The following MFN2 variants were observed in gnomAD, a reference collection of about 807,000 sequenced individuals.
MFN2 encodes the protein mitofusin-2.
Under a neutral mutation model 87.5 loss-of-function variants are expected in MFN2, and 43 were observed. The observed-to-expected ratio is 0.49, with a 90% confidence interval of 0.38 to 0.63. MFN2 has a LOEUF of 0.63. Among genes scored for constraint, MFN2 ranks in the 30% least tolerant of loss-of-function variants. MFN2 has a pLI of 0.00. For synonymous variants in MFN2, 337 were observed against 359.9 expected (o/e 0.94, Z 0.72); for missense variants, 743 against 972.8 (o/e 0.76, Z 3.14).
Position 11,992,678 on chromosome 1 carries a change from CT to C in MFN2, c.306del (p.Phe102LeufsTer11), listed in dbSNP as rs777012596. 6.2e-7 allele frequency: 1 copy of C among 1,614,120 alleles called. No individual in the cohort carries two copies. Among genetic ancestry groups the C allele is most frequent in the Non-Finnish European group, 8.5e-7 (1 of 1,180,026 alleles). Reference protein sequence around the residue: ...EVLARRHMKVAFFGRTSNGKS... With the variant: ...EVLARRHMKVXFFGRTSNGKS... ...CTGGCTCGGAGGCACATGAAAGTGG[CT>C]TTTTTTGGCCGGTAAGTCCTTGAGG... On this transcript the variant is annotated frameshift_variant, in exon 4 of 19. Coordinates refer to ENST00000235329, the MANE Select transcript of MFN2 (RefSeq NM_014874.4). LOFTEE classifies it high-confidence loss of function.
rs116069423 is a variant in MFN2, at chr1:12,006,899, C to G, written c.1873-154C>G. Among the ~76,000 whole-genome samples, 4,385 of 152,294 alleles carry G rather than the reference C, an allele frequency of 0.029. 205 individuals are homozygous for G. The highest frequency in any genetic ancestry group is 0.099 in the African/African-American group (4,107 of 41,550). ...GACATGGTCCCAGACCTTCTGGCCT[C>G]GGTGGGATCAAAGGAGACATTGAAA... is the stretch of plus-strand genomic sequence containing the variant. On this transcript the variant is annotated intron_variant, in intron 16 of 18. Coordinates refer to ENST00000235329, the MANE Select transcript of MFN2 (RefSeq NM_014874.4).
Position 12,004,020 on chromosome 1 carries a change from C to T in MFN2, c.1189C>T (p.Arg397Trp), listed in dbSNP as rs758948968. The T allele has an allele frequency of 5.0e-6, 8 of 1,614,092 alleles. No individual in the cohort carries two copies. The highest frequency in any genetic ancestry group is 4.5e-5 in the East Asian group (2 of 44,900). The change falls in exon 12 of 19, where the codon CGG becomes TGG. Residue 397 changes from arginine (R) to tryptophan (W), a missense_variant. Coordinates refer to ENST00000235329, the MANE Select transcript of MFN2 (RefSeq NM_014874.4). The surrounding 1 kb of genome is among the most constrained non-coding windows in gnomAD (Gnocchi z 4.2). Reference protein sequence around the residue: ...QVYCEEMREERQDRLKFIDKQ... With the variant: ...QVYCEEMREEWQDRLKFIDKQ... ...TTACTGCGAGGAAATGCGTGAAGAG[C>T]GGCAAGACCGACTGAAATTTATTGA...
intron 18 of MFN2, among the ~76,000 whole-genome samples, chr1:12,010,273 A>T (rs999490585): frequency 6.6e-6 from 1 of 152,250 alleles, no homozygotes. Flanking sequence ...GCATGATGGC[A>T]TCACAGTACT....
chr1:11,985,453 C>T (rs576211369), intron 2 of MFN2, among the ~76,000 whole-genome samples: 1 of 141,786 alleles, frequency 7.1e-6, no homozygotes, highest in Admixed American at 6.9e-5. Flanking sequence ...CATCCTTGAT[C>T]CCTTTTTTTT....
rs1553141644 is a variant in MFN2 at position 11,992,580 on chromosome 1, C to T, written c.201C>T (p.Asp67=). The T allele has an allele frequency of 1.1e-5, 17 of 1,614,222 alleles. No homozygotes were observed. The highest frequency in any genetic ancestry group is 1.3e-5 in the African/African-American group (1 of 75,050). ...LEDTYRNAEL[D]PVTTEEQVLD... ...ACACGTACAGGAATGCAGAACTGGA[C>T]CCCGTTACCACAGAAGAACAGGTTC... The change falls in exon 4 of 19, where the codon GAC becomes GAT. Residue 67 remains aspartate (D), a synonymous_variant. Coordinates refer to ENST00000235329, the MANE Select transcript of MFN2 (RefSeq NM_014874.4).
At chr1:12,006,471 A>G (rs1002674669) in intron 15 of MFN2, 67 bp from the exon 16 acceptor site, 72 of 1,599,064 alleles carry the variant, frequency 4.5e-5, no homozygotes, top group Non-Finnish European at 6.1e-5. Context: ...CTAGGGCAAC[A>G]CTGAGGGTTC....
chr1:12,009,226 A>AGGGAGC (rs994469824), intron 17 of MFN2, among the ~76,000 whole-genome samples: 1 of 151,136 alleles, frequency 6.6e-6, no homozygotes, highest in Non-Finnish European at 1.5e-5. Flanking sequence ...GGAGAGGGAG[A>AGGGAGC]GGGAGCGGGA....
intron 3 of MFN2, among the ~76,000 whole-genome samples, chr1:11,991,923 C>CAAAA (rs35314016): frequency 0.032 from 530 of 16,736 alleles, 114 homozygotes; most frequent in Middle Eastern, 0.12. Context: ...GACTCCGTCT[C>CAAAA]AAAAAAAAAA....
intron 6 of MFN2, among the ~76,000 whole-genome samples, chr1:11,997,688 A>G (rs983069512): frequency 9.2e-5 from 14 of 152,154 alleles, no homozygotes; most frequent in African/African-American, 3.1e-4. Flanking sequence ...GAGGTTCTCA[A>G]TCTCAGCCCA....
chr1:12,004,992 C>T lies in MFN2; in HGVS notation c.1495+65C>T. 1.6e-6 allele frequency: 2 copies of T among 1,286,754 alleles called. No individual in the cohort carries two copies. Among genetic ancestry groups the T allele is most frequent in the Non-Finnish European group, 2.2e-6 (2 of 903,282 alleles). 79.7% of individuals were successfully genotyped at this position (1,286,754 alleles called of 1,614,324 possible). A position where few individuals can be genotyped will look rare whatever the true frequency, so the allele number is the denominator to read the frequency against. ...CTGCCCAAAGATCAGATGCGGAGGC[C>T]AAGCTAAAGAAATCAGGACTTTCCT... On this transcript the variant is annotated intron_variant, in intron 14 of 18. Coordinates refer to ENST00000235329, the MANE Select transcript of MFN2 (RefSeq NM_014874.4). The surrounding 1 kb of genome is among the most constrained non-coding windows in gnomAD (Gnocchi z 4.2).
intron 2 of MFN2, among the ~76,000 whole-genome samples, chr1:11,983,093 G>A (rs1219824952): frequency 6.6e-6 from 1 of 151,994 alleles, no homozygotes; most frequent in Non-Finnish European, 1.5e-5. Flanking sequence ...GTCTTGCTCT[G>A]TCACCCAGGC....
intron 14 of MFN2, among the ~76,000 whole-genome samples, 168 bp from the exon 15 acceptor site, chr1:12,005,543 A>G (rs1639368637): frequency 6.6e-6 from 1 of 152,238 alleles, no homozygotes; most frequent in Non-Finnish European, 1.5e-5. Flanking sequence ...AGCTGGCCTC[A>G]AGTGAGGCAT....
chr1:12,008,543 C>T (rs1402843809), intron 17 of MFN2, among the ~76,000 whole-genome samples: 1 of 151,254 alleles, frequency 6.6e-6, no homozygotes, highest in Non-Finnish European at 1.5e-5. Flanking sequence ...GGCTGCCTGG[C>T]GGAGGGGCTC....
rs777640054 is a variant in MFN2, at chr1:12,007,190, C to T, written c.2010C>T (p.Ser670=). Residue 670 remains serine, a synonymous_variant, in exon 17 of 19, where the codon AGC becomes AGT. Transcript: ENST00000235329. ...AGCGCCAGTTTGTGGAGCATGCCAGCGAGAAGCTGCAGCTTGTCATCAGCT... is the reference window on the plus strand; with the variant it reads ...AGCGCCAGTTTGTGGAGCATGCCAGTGAGAAGCTGCAGCTTGTCATCAGCT... ...AFKRQFVEHA[S]EKLQLVISYT... is the part of the protein sequence containing the mutation. 1.2e-5 allele frequency: 19 copies of T among 1,614,166 alleles called. No individual in the cohort carries two copies. The highest frequency in any genetic ancestry group is 1.1e-4 in the South Asian group (10 of 91,090).
intron 2 of MFN2, chr1:11,982,663 T>C (rs1268223649): frequency 6.6e-6 from 1 of 152,190 alleles, no homozygotes; most frequent in Admixed American, 6.5e-5. Context: ...TTGCTACTGC[T>C]GTCTCTACAC....
chr1:11,985,499 C>G (rs1009931251), intron 2 of MFN2, among the ~76,000 whole-genome samples: 3 of 128,572 alleles, frequency 2.3e-5, no homozygotes, highest in South Asian at 2.6e-4. Flanking sequence ...AGAGACTTCG[C>G]TCTGTCACCC....
At chr1:12,010,175 T>C (rs551055979) in intron 18 of MFN2, among the ~76,000 whole-genome samples, 53 of 152,050 alleles carry the variant, frequency 3.5e-4, no homozygotes, top group African/African-American at 1.1e-3. Flanking sequence ...AAAAAATGGA[T>C]GTGTACCACG....
chr1:11,986,053 C>T (rs149894624), intron 2 of MFN2, among the ~76,000 whole-genome samples: 2 of 152,310 alleles, frequency 1.3e-5, no homozygotes, highest in East Asian at 1.9e-4. Flanking sequence ...CACTTCCTTC[C>T]CTTGTCTCCA....
At chr1:12,001,194 G>C (rs1229825379) in intron 8 of MFN2, among the ~76,000 whole-genome samples, 1 of 152,072 alleles carries the variant, frequency 6.6e-6, no homozygotes, top group African/African-American at 2.4e-5. Flanking sequence ...TGTATTTTTA[G>C]TAGAGACAGG....
Sources: gnomAD v4.1 joint callset for allele counts (sites outside exome capture counted in the v4.1 genomes callset) on GRCh38, gnomAD v4.1.1 for gene constraint, Gnocchi (gnomAD v3.1) non-coding constraint, MANE v1.5 for transcripts, NCBI Gene and HGNC (gene_info 2026-07-23, HGNC 2026-07-21) for gene names.